Variants in ARID1A observed in about 807,000 individuals in gnomAD.
The protein encoded by ARID1A is AT-rich interaction domain 1A.
Under a neutral mutation model 212.6 loss-of-function variants are expected in ARID1A, and 20 were observed. The ratio of observed to expected loss-of-function variants is 0.09; its 90% CI spans 0.07 to 0.14. The LOEUF (loss-of-function observed/expected upper bound fraction) is 0.14. Among genes scored for constraint, ARID1A ranks in the 10% least tolerant of loss-of-function variants. The pLI, the probability that ARID1A is intolerant of heterozygous loss-of-function variation, is 1.00. For missense variants in ARID1A, 2,587 were observed against 3,059.0 expected, an observed-to-expected ratio of 0.85 and a Z score of 3.64; for synonymous variants, 1,376 against 1,222.1, an observed-to-expected ratio of 1.13 and a Z score of -2.63.
At chr1:26,758,224 T>C (rs984528134) in intron 4 of ARID1A, among the ~76,000 whole-genome samples, 21 of 152,144 alleles carry the variant, frequency 1.4e-4, no homozygotes, top group African/African-American at 4.8e-4. Context: ...CTCCTTGTCA[T>C]CTTGCTGCCT....
At chr1:26,708,818 C>G (rs34423276) in intron 1 of ARID1A, among the ~76,000 whole-genome samples, 9,010 of 151,890 alleles carry the variant, frequency 0.059, 323 homozygotes, top group Non-Finnish European at 0.08. Context: ...CCTCAGCCTC[C>G]CGAGTAGCTG....
chr1:26,697,681 C>T (rs751703623), intron 1 of ARID1A, 141 bp downstream of exon 1: 6 of 879,584 alleles, frequency 6.8e-6, no homozygotes, highest in Non-Finnish European at 9.0e-6. Context: ...TGGCTCTTCT[C>T]TCTTAAAATG....
rs954550062 is a variant in ARID1A, at chr1:26,778,931, T to C, written c.5125-92T>C. Reference sequence around the variant, plus strand: ...GAGCAACTCTGCCTCTCCCAACTGATACAGAAGACTTGGGGAGGTCTCTCA... The same window carrying C: ...GAGCAACTCTGCCTCTCCCAACTGACACAGAAGACTTGGGGAGGTCTCTCA... On this transcript the variant is annotated intron_variant, in intron 19 of 19. Coordinates refer to ENST00000324856, the MANE Select transcript of ARID1A (RefSeq NM_006015.6). 7.7e-6 allele frequency: 10 copies of C among 1,290,934 alleles called. No homozygotes were observed. In the African/African-American group the frequency reaches 1.3e-4, roughly 17 times the overall value. 80.0% of individuals were successfully genotyped at this position (1,290,934 alleles called of 1,614,324 possible).
intron 1 of ARID1A, among the ~76,000 whole-genome samples, chr1:26,710,539 T>C (rs2080443703): frequency 1.4e-5 from 1 of 71,958 alleles, no homozygotes. Context: ...CACTTGTTGT[T>C]CCAGCTTGAG....
chr1:26,741,616 G>A (rs1219764506), intron 4 of ARID1A, among the ~76,000 whole-genome samples: 3 of 152,100 alleles, frequency 2.0e-5, no homozygotes, highest in East Asian at 1.9e-4. Flanking sequence ...TCTAAGGGAC[G>A]CTATACCCTT....
At chr1:26,735,566 A>G (rs1268031780) in intron 4 of ARID1A, among the ~76,000 whole-genome samples, 1 of 152,204 alleles carries the variant, frequency 6.6e-6, no homozygotes, top group Non-Finnish European at 1.5e-5. Context: ...TGCTGGGATT[A>G]TAGGCGTGAG....
intron 4 of ARID1A, among the ~76,000 whole-genome samples, 157 bp from the exon 5 acceptor site, chr1:26,760,697 ATT>A (rs890514165): frequency 4.0e-5 from 6 of 149,856 alleles, no homozygotes; most frequent in Non-Finnish European, 7.4e-5. Context: ...AAAAAAAAAA[ATT>A]TTTTTTTTTA....
intron 1 of ARID1A, among the ~76,000 whole-genome samples, chr1:26,721,949 T>C (rs994257371): frequency 6.6e-6 from 1 of 152,206 alleles, no homozygotes; most frequent in African/African-American, 2.4e-5. Flanking sequence ...GGTCTCCTTC[T>C]TCTAACCTTA....
chr1:26,716,674 A>AG (rs2080506385), intron 1 of ARID1A, among the ~76,000 whole-genome samples: 1 of 152,128 alleles, frequency 6.6e-6, no homozygotes, highest in African/African-American at 2.4e-5. Context: ...TCTGTCACTC[A>AG]GGGTGAGGTG....
At chr1:26,732,903 A>C in intron 4 of ARID1A, 111 bp downstream of exon 4, 1 of 917,038 alleles carries the variant, frequency 1.1e-6, no homozygotes, top group Non-Finnish European at 1.7e-6. Context: ...TGAATAAGTT[A>C]TTTCTTGAAT....
In ARID1A at chr1:26,697,017, A is replaced by G. The variant is rs1438938987; in HGVS notation, c.614A>G (p.His205Arg). 2.0e-6 allele frequency: 3 copies of G among 1,533,466 alleles called. No homozygotes were observed. 95.0% of individuals were successfully genotyped at this position (1,533,466 alleles called of 1,614,324 possible). Reference protein sequence around the residue: ...YAGPQQNSHDHGFPNHQYNSY... With the variant: ...YAGPQQNSHDRGFPNHQYNSY... ...GGGCCCCAGCAGAACTCTCACGACC[A>G]CGGCTTCCCCAACCACCAGTACAAC... Residue 205 changes from histidine (H) to arginine (R), a missense_variant, in exon 1 of 20, where the codon CAC (histidine) becomes CGC (arginine). By Grantham distance (29) the His-to-Arg change is conservative. Coordinates refer to ENST00000324856, the MANE Select transcript of ARID1A (RefSeq NM_006015.6).
At chr1:26,764,835 G>A (rs533294329) in intron 8 of ARID1A, 119 of 152,306 alleles carry the variant, frequency 7.8e-4, no homozygotes, top group Middle Eastern at 3.4e-3. Flanking sequence ...CTTTGGAGGT[G>A]GCTTTGAGGA....
rs764148027 is a variant in ARID1A at position 26,774,990 on chromosome 1, C to T, written c.4763C>T (p.Pro1588Leu). The T allele has an allele frequency of 3.2e-6, 5 of 1,557,414 alleles. No homozygotes were observed. The highest frequency in any genetic ancestry group is 4.3e-6 in the Non-Finnish European group (5 of 1,151,886). The change falls in exon 18 of 20, where the codon CCT (proline) becomes CTT (leucine). Residue 1588 changes from proline (P) to leucine (L), a missense_variant. Physicochemically the swap from Pro to Leu is moderately conservative, Grantham distance 98 (BLOSUM62 -3). Coordinates refer to ENST00000324856, the MANE Select transcript of ARID1A (RefSeq NM_006015.6). The surrounding 1 kb of genome is among the most constrained non-coding windows in gnomAD (Gnocchi z 5.6). ...MQNHIPQVSS[P>L]APLPRPMENR... is the part of the protein sequence containing the mutation. ...AATCACATTCCTCAGGTATCCAGCC[C>T]TGCTCCCCTGCCCCGGCCAATGGAG...
At chr1:26,724,254 C>T (rs768005074) in intron 1 of ARID1A, among the ~76,000 whole-genome samples, 1 of 152,142 alleles carries the variant, frequency 6.6e-6, no homozygotes, top group African/African-American at 2.4e-5. Flanking sequence ...CAAGACTTCT[C>T]CTCTCTGATG....
rs1457493037 is a variant in ARID1A at position 26,731,382 on chromosome 1, TCAG to T, written c.1585_1587del (p.Gln529del). The stretch of plus-strand genomic sequence containing the variant: ...CCCAGCAGCCATCCCAGCCTCCACA[TCAG>T]CAGTCCCCGGCTCCATACCCCTCCC... On this transcript the variant is annotated inframe_deletion, in exon 3 of 20. Coordinates refer to ENST00000324856, the MANE Select transcript of ARID1A (RefSeq NM_006015.6). 1.2e-6 allele frequency: 2 copies of T among 1,613,568 alleles called. No individual in the cohort carries two copies. The highest frequency in any genetic ancestry group is 1.7e-6 in the Non-Finnish European group (2 of 1,179,888).
At position 26,696,256 on chromosome 1, in the gene ARID1A, G is replaced by T. The variant is rs938965990; in HGVS notation, c.-148G>T. The T allele has an allele frequency of 7.8e-6, 8 of 1,019,718 alleles. No homozygotes were observed. In the East Asian group the frequency reaches 2.2e-4, roughly 28 times the overall value. The allele number at this position is 1,019,718 out of a possible 1,614,324, so 63.2% of individuals were successfully genotyped here. ...AGCCGGCGGGGCGGGGGGGAGAGGA[G>T]CGAGCGCAGCGCAGCAGCGGAGCCC... On this transcript the variant is annotated 5_prime_UTR_variant, in exon 1 of 20. Coordinates refer to ENST00000324856, the MANE Select transcript of ARID1A (RefSeq NM_006015.6).
At chr1:26,742,758 C>T (rs1557598427) in intron 4 of ARID1A, among the ~76,000 whole-genome samples, 1 of 152,100 alleles carries the variant, frequency 6.6e-6, no homozygotes, top group Admixed American at 6.5e-5. Context: ...ATCATGAGGT[C>T]GGGAGTTCGA....
intron 7 of ARID1A, 31 bp from the exon 8 acceptor site, chr1:26,762,942 C>T (rs2124067186): frequency 6.5e-7 from 1 of 1,538,588 alleles, no homozygotes; most frequent in South Asian, 1.2e-5. Context: ...TAGTGAGTGA[C>T]TAACCAAGTC....
chr1:26,780,138 T>C lies in ARID1A; in HGVS notation c.6240T>C (p.Ile2080=), dbSNP rs1159301559. 1 of 1,614,026 alleles carries C rather than the reference T, an allele frequency of 6.2e-7. No individual in the cohort carries two copies. Reference sequence around the variant, plus strand: ...ACCTATCTCCATACCCCGAGAGCATTTGCCTGCCTGTCCTGGACGGACTCC... The same window carrying C: ...ACCTATCTCCATACCCCGAGAGCATCTGCCTGCCTGTCCTGGACGGACTCC... The part of the protein sequence containing the change: ...QLDLSPYPES[I]CLPVLDGLLH... The change falls in exon 20 of 20, where the codon ATT becomes ATC. Residue 2080 remains isoleucine, a synonymous_variant. Coordinates refer to ENST00000324856, the MANE Select transcript of ARID1A (RefSeq NM_006015.6). This position sits in a 1 kb window ranked among gnomAD's most constrained non-coding sequence, Gnocchi z 7.2.
Sources: gnomAD v4.1 joint callset for allele counts (sites outside exome capture counted in the v4.1 genomes callset) on GRCh38, gnomAD v4.1.1 for gene constraint, Gnocchi (gnomAD v3.1) non-coding constraint, MANE v1.5 for transcripts, NCBI Gene and HGNC (gene_info 2026-07-23, HGNC 2026-07-21) for gene names.